TMC2: variants seen among roughly 807,000 people sequenced by gnomAD.
TMC2 encodes transmembrane channel-like protein 2.
Under a neutral mutation model 105.9 loss-of-function variants are expected in TMC2, and 102 were observed. The observed-to-expected ratio is 0.96, with a 90% CI of 0.82 to 1.14. The LOEUF (loss-of-function observed/expected upper bound fraction) is 1.14. Ranked by LOEUF, TMC2 falls within the 50% of genes most tolerant of loss-of-function variation. The pLI, the probability that TMC2 is intolerant of heterozygous loss-of-function variation, is 0.00. For missense variants in TMC2, 1,093 were observed against 1,134.3 expected (o/e 0.96, Z 0.52); for synonymous variants, 402 against 422.8 (o/e 0.95, Z 0.60).
intron 11 of TMC2, 91 bp downstream of exon 11, chr20:2,602,392 G>C (rs2086358748): frequency 1.0e-6 from 1 of 967,066 alleles, no homozygotes; most frequent in Non-Finnish European, 1.4e-6. Flanking sequence ...TCGAAAGTCT[G>C]GATTATAGGC....
In TMC2 at chr20:2,580,012, C is replaced by G. The variant is rs762381584; in HGVS notation, c.790C>G (p.Leu264Val). 6 of 1,613,840 alleles carry G rather than the reference C, an allele frequency of 3.7e-6. No homozygotes were observed. The highest frequency in any genetic ancestry group is 1.7e-5 in the Admixed American group (1 of 60,008). The change falls in exon 7 of 20, where the codon CTT becomes GTT. Residue 264 changes from leucine to valine, a missense_variant. Physicochemically the swap from Leu to Val is conservative, Grantham distance 32. Coordinates refer to ENST00000358864, the MANE Select transcript of TMC2 (RefSeq NM_080751.3). ...TCTCCGATGGATGTATGGAGTTAACCTTGTCCTTTTTGGCTTAATATTTGG... is the reference window on the plus strand; with the variant it reads ...TCTCCGATGGATGTATGGAGTTAACGTTGTCCTTTTTGGCTTAATATTTGG... Reference protein sequence around the residue: ...IFLRWMYGVNLVLFGLIFGLV... With the variant: ...IFLRWMYGVNVVLFGLIFGLV...
At chr20:2,595,253 C>A (rs1017950234) in intron 9 of TMC2, among the ~76,000 whole-genome samples, 2 of 152,194 alleles carry the variant, frequency 1.3e-5, no homozygotes, top group African/African-American at 4.8e-5. Context: ...TGTGCAAAGG[C>A]CCTGAGGCCG....
At chr20:2,631,243 C>T (rs2422805) in intron 17 of TMC2, among the ~76,000 whole-genome samples, 114,857 of 152,144 alleles carry the variant, frequency 0.75, 43,497 homozygotes, top group East Asian at 0.87. Flanking sequence ...GTTTCTGCCA[C>T]ACAAATTACA....
At chr20:2,583,389 G>C (rs2086209017) in intron 7 of TMC2, among the ~76,000 whole-genome samples, 1 of 152,154 alleles carries the variant, frequency 6.6e-6, no homozygotes, top group African/African-American at 2.4e-5. Flanking sequence ...AAGGAACTGA[G>C]TGTGGCCTTT....
chr20:2,579,255 T>C, intron 6 of TMC2, 28 bp downstream of exon 6: 1 of 1,417,800 alleles, frequency 7.1e-7, no homozygotes, highest in Middle Eastern at 1.8e-4. Flanking sequence ...ACTGTTTTTT[T>C]AATTGGTTTC....
chr20:2,550,171 C>A (rs1453039485), intron 2 of TMC2, among the ~76,000 whole-genome samples: 2 of 137,708 alleles, frequency 1.5e-5, no homozygotes, highest in African/African-American at 2.8e-5. Context: ...GGCAACAGAG[C>A]CAGACTCTGT....
At chr20:2,568,860 G>A (rs1259757625) in intron 4 of TMC2, among the ~76,000 whole-genome samples, 2 of 152,154 alleles carry the variant, frequency 1.3e-5, no homozygotes, top group Non-Finnish European at 2.9e-5. Context: ...TTGAGACACT[G>A]AGACATCCCA....
At chr20:2,562,237 G>A (rs1006499930) in intron 4 of TMC2, among the ~76,000 whole-genome samples, 1 of 152,248 alleles carries the variant, frequency 6.6e-6, no homozygotes, top group African/African-American at 2.4e-5. Flanking sequence ...CCCGACCTGT[G>A]CCCATGCCTT....
rs184059009 is a variant in TMC2 at position 2,620,314 on chromosome 20, T to A, written c.2180+3003T>A. Among the ~76,000 whole-genome samples the A allele has an allele frequency of 3.5e-3, 534 of 152,302 alleles. 2 individuals are homozygous for A. Among genetic ancestry groups the A allele is most frequent in the Non-Finnish European group, 6.6e-3 (446 of 68,014 alleles). ...ATTGCAAAATATGCTAAAACTAGAT[T>A]CACTGTCATGAGAATGTGCTGTAAA... On this transcript the variant is annotated intron_variant, in intron 16 of 19. Coordinates refer to ENST00000358864, the MANE Select transcript of TMC2 (RefSeq NM_080751.3).
At chr20:2,606,355 G>A (rs2086391763) in intron 11 of TMC2, among the ~76,000 whole-genome samples, 1 of 152,160 alleles carries the variant, frequency 6.6e-6, no homozygotes, top group South Asian at 2.1e-4. Flanking sequence ...CACCTCCTGG[G>A]TTCAAACAAT....
In TMC2 at chr20:2,616,496, G is replaced by A. The variant is rs1043548204; in HGVS notation, c.1940+292G>A. Among the ~76,000 whole-genome samples, 20 of 150,622 alleles carry A rather than the reference G, an allele frequency of 1.3e-4. No individual in the cohort carries two copies. The highest frequency in any genetic ancestry group is 2.1e-4 in the Non-Finnish European group (14 of 67,804). ...AGAAGAGGGAAGAAAAAGGGAAGAAGGAAGAAAGACAAAGGAAAGGGAAAA... is the reference window on the plus strand; with the variant it reads ...AGAAGAGGGAAGAAAAAGGGAAGAAAGAAGAAAGACAAAGGAAAGGGAAAA... On this transcript the variant is annotated intron_variant, in intron 15 of 19. Transcript: ENST00000358864. The surrounding 1 kb of genome is among the most constrained non-coding windows in gnomAD (Gnocchi z 4.8).
At position 2,572,253 on chromosome 20, in the gene TMC2, A is replaced by G. The variant is rs1279940323; in HGVS notation, c.629A>G (p.Lys210Arg). 3 of 1,613,222 alleles carry G rather than the reference A, an allele frequency of 1.9e-6. No individual in the cohort carries two copies. In the South Asian group the frequency reaches 3.3e-5, roughly 18 times the overall value. The change falls in exon 5 of 20, where the codon AAG becomes AGG. Residue 210 changes from lysine (K) to arginine (R), a missense_variant. Lys to Arg is a conservative substitution (Grantham distance 26). Coordinates refer to ENST00000358864, the MANE Select transcript of TMC2 (RefSeq NM_080751.3). ...KGKGKQLYAY[K>R]MLMAKKWVKF... is the part of the protein sequence containing the mutation. ...AAAGGCAAGCAACTATATGCCTACA[A>G]GATGCTGATGGCCAAGGTGTGTGGG...
intron 17 of TMC2, among the ~76,000 whole-genome samples, chr20:2,627,576 T>C (rs2086573426): frequency 6.6e-6 from 1 of 152,146 alleles, no homozygotes; most frequent in African/African-American, 2.4e-5. Context: ...GGGTCACAAA[T>C]TGGAAAATAC....
At chr20:2,583,779 G>C (rs1397002040) in intron 7 of TMC2, among the ~76,000 whole-genome samples, 3 of 152,048 alleles carry the variant, frequency 2.0e-5, no homozygotes, top group Non-Finnish European at 4.4e-5. Context: ...CACATTTTAA[G>C]GCAGATTCTT....
In TMC2 at chr20:2,594,987, C is replaced by T. The variant is rs1394328840; in HGVS notation, c.1076+20C>T. Reference sequence around the variant, plus strand: ...TCGATCGTAAGTATGACCGTCTCATCCGCAGGCTTTGACTTCACAGCCACA... The same window carrying T: ...TCGATCGTAAGTATGACCGTCTCATTCGCAGGCTTTGACTTCACAGCCACA... On this transcript the variant is annotated intron_variant, in intron 9 of 19. Coordinates refer to ENST00000358864, the MANE Select transcript of TMC2 (RefSeq NM_080751.3). 1 of 1,607,378 alleles carries T rather than the reference C, an allele frequency of 6.2e-7. No homozygotes were observed. The highest frequency in any genetic ancestry group is 8.5e-7 in the Non-Finnish European group (1 of 1,176,506).
intron 13 of TMC2, 59 bp downstream of exon 13, chr20:2,612,399 C>T (rs1407720691): frequency 7.2e-7 from 1 of 1,394,220 alleles, no homozygotes; most frequent in East Asian, 2.5e-5. Context: ...GTTATTCCCT[C>T]CTTGATGTTT....
intron 4 of TMC2, among the ~76,000 whole-genome samples, chr20:2,562,624 C>A (rs1264546531): frequency 6.6e-6 from 1 of 152,192 alleles, no homozygotes; most frequent in East Asian, 1.9e-4. Context: ...AAGGCTGATG[C>A]ACGGAGCATT....
intron 2 of TMC2, among the ~76,000 whole-genome samples, chr20:2,543,262 A>G (rs1179405065): frequency 1.3e-5 from 2 of 151,982 alleles, no homozygotes; most frequent in Non-Finnish European, 2.9e-5. Context: ...TAAAAACAAA[A>G]CACATTTATC....
At chr20:2,612,463 C>T (rs1050359612) in intron 13 of TMC2, 123 bp downstream of exon 13, 2 of 962,564 alleles carry the variant, frequency 2.1e-6, no homozygotes, top group Non-Finnish European at 2.9e-6. Context: ...GCAAACATTT[C>T]ATAATCATCT....
Sources: allele counts gnomAD v4.1 joint callset (sites outside exome capture counted in the v4.1 genomes callset), GRCh38; gene constraint gnomAD v4.1.1; non-coding constraint Gnocchi (gnomAD v3.1); transcripts MANE v1.5; gene names NCBI Gene and HGNC (gene_info 2026-07-23, HGNC 2026-07-21).